The following AGXT2 variants were observed in gnomAD, a reference collection of about 807,000 sequenced individuals.
AGXT2 encodes the protein alanine--glyoxylate aminotransferase 2, mitochondrial.
Under a neutral mutation model 62.5 loss-of-function variants are expected in AGXT2, and 61 were observed. The observed-to-expected ratio is 0.98, with a 90% CI of 0.79 to 1.21. The LOEUF is 1.21. Ranked by LOEUF, AGXT2 falls within the 50% of genes most tolerant of loss-of-function variation. AGXT2 has a pLI of 0.00. For missense variants in AGXT2, 666 were observed against 641.5 expected (o/e 1.04, Z -0.41); for synonymous variants, 243 against 218.7 (o/e 1.11, Z -0.98).
intron 7 of AGXT2, among the ~76,000 whole-genome samples, chr5:35,027,778 G>A (rs1007161375): frequency 2.7e-5 from 4 of 150,648 alleles, no homozygotes; most frequent in Admixed American, 6.7e-5. Flanking sequence ...TAGGGCATTA[G>A]AGTCTAAGAG....
At chr5:35,025,065 A>C (rs930504024) in intron 9 of AGXT2, among the ~76,000 whole-genome samples, 1 of 152,080 alleles carries the variant, frequency 6.6e-6, no homozygotes, top group Non-Finnish European at 1.5e-5. Context: ...CTATTTTTGC[A>C]AAAATAAAGA....
chr5:35,012,899 T>C (rs1252755928), intron 11 of AGXT2, 55 bp downstream of exon 11: 5 of 1,477,414 alleles, frequency 3.4e-6, no homozygotes, highest in Non-Finnish European at 4.6e-6. Context: ...GCATGTGTGG[T>C]TTTGAAAGAG....
chr5:34,998,865 A>T (rs1181726270), intron 13 of AGXT2, 39 bp from the exon 14 acceptor site: 2 of 1,401,076 alleles, frequency 1.4e-6, no homozygotes, highest in Non-Finnish European at 2.0e-6. Flanking sequence ...AAATCATCAG[A>T]GAATCAAATA....
At chr5:35,005,274 G>GCCA (rs1561211364) in intron 12 of AGXT2, among the ~76,000 whole-genome samples, 3 of 152,104 alleles carry the variant, frequency 2.0e-5, no homozygotes, top group African/African-American at 7.2e-5. Flanking sequence ...TGTTGCCCAG[G>GCCA]CTGCAGTGCA....
At chr5:35,017,938 G>A (rs1366189840) in intron 9 of AGXT2, among the ~76,000 whole-genome samples, 3 of 152,174 alleles carry the variant, frequency 2.0e-5, no homozygotes, top group Non-Finnish European at 4.4e-5. Flanking sequence ...AGAAGCCTCC[G>A]GAGCTGATGA....
At chr5:35,019,735 A>G (rs1320961775) in intron 9 of AGXT2, among the ~76,000 whole-genome samples, 1 of 152,206 alleles carries the variant, frequency 6.6e-6, no homozygotes, top group Admixed American at 6.5e-5. Context: ...AACAGAACTG[A>G]AGGAAATAGA....
intron 9 of AGXT2, among the ~76,000 whole-genome samples, chr5:35,014,538 A>T (rs986203127): frequency 6.6e-6 from 1 of 151,402 alleles, no homozygotes; most frequent in South Asian, 2.1e-4. Context: ...GATGGCCATC[A>T]TCAGCCATTA....
intron 12 of AGXT2, among the ~76,000 whole-genome samples, chr5:35,007,417 C>G (rs1364140995): frequency 6.6e-6 from 1 of 152,226 alleles, no homozygotes; most frequent in Non-Finnish European, 1.5e-5. Context: ...GAGGAATTCT[C>G]TGAAGGGTGG....
At chr5:35,033,780 T>C (rs1767667498) in intron 5 of AGXT2, among the ~76,000 whole-genome samples, 1 of 152,164 alleles carries the variant, frequency 6.6e-6, no homozygotes, top group South Asian at 2.1e-4. Context: ...TGGAGAACAT[T>C]TGTCCAAGAA....
chr5:35,009,878 G>T, intron 12 of AGXT2, 122 bp downstream of exon 12: 1 of 1,340,158 alleles, frequency 7.5e-7, no homozygotes, highest in Non-Finnish European at 1.1e-6. Flanking sequence ...AAAGGGCTTT[G>T]CTGAAATCTT....
chr5:35,042,866 T>C (rs1768039289), intron 1 of AGXT2, among the ~76,000 whole-genome samples: 2 of 152,202 alleles, frequency 1.3e-5, no homozygotes, highest in African/African-American at 2.4e-5. Context: ...TGTTTTGTTT[T>C]GTCTTATTGT....
At chr5:34,999,177 T>G (rs529465351) in intron 13 of AGXT2, among the ~76,000 whole-genome samples, 7 of 152,330 alleles carry the variant, frequency 4.6e-5, no homozygotes, top group African/African-American at 1.7e-4. Flanking sequence ...TCACTGCCCT[T>G]ATTGCCACAA....
At chr5:35,037,182 T>A in intron 3 of AGXT2, 117 bp from the exon 4 acceptor site, 1 of 1,467,038 alleles carries the variant, frequency 6.8e-7, no homozygotes, top group Non-Finnish European at 9.3e-7. Flanking sequence ...GAGGCAGATT[T>A]TATTTACACA....
At chr5:35,020,692 C>T (rs1425187289) in intron 9 of AGXT2, among the ~76,000 whole-genome samples, 2 of 152,210 alleles carry the variant, frequency 1.3e-5, no homozygotes, top group Non-Finnish European at 2.9e-5. Flanking sequence ...CTCACCACTC[C>T]TATTCAACAT....
chr5:35,045,081 T>C (rs1176061556), intron 1 of AGXT2, among the ~76,000 whole-genome samples: 2 of 152,304 alleles, frequency 1.3e-5, no homozygotes, highest in East Asian at 3.9e-4. Flanking sequence ...ATTAGCTAAT[T>C]GTAGGAAAGA....
intron 13 of AGXT2, 50 bp downstream of exon 13, chr5:35,003,713 C>T: frequency 6.6e-7 from 1 of 1,525,172 alleles, no homozygotes; most frequent in Non-Finnish European, 9.1e-7. Flanking sequence ...ATTAGGAAAT[C>T]AGAGAGACTC....
At chr5:35,007,176 T>C (rs1310163681) in intron 12 of AGXT2, among the ~76,000 whole-genome samples, 2 of 152,162 alleles carry the variant, frequency 1.3e-5, no homozygotes, top group African/African-American at 4.8e-5. Context: ...CCTCATTTAC[T>C]AGGTGAGGGC....
chr5:35,012,750 CT>C, intron 11 of AGXT2: 1 of 594,130 alleles, frequency 1.7e-6, no homozygotes, highest in Non-Finnish European at 3.0e-6. Flanking sequence ...TATATTATTT[CT>C]TATCCAATAC....
intron 7 of AGXT2, chr5:35,026,967 T>C: frequency 1.0e-6 from 1 of 985,388 alleles, no homozygotes; most frequent in Non-Finnish European, 1.2e-6. Flanking sequence ...AGTGTCTTTG[T>C]CTTTAGAGTT....
Sources: allele counts gnomAD v4.1 joint callset (sites outside exome capture counted in the v4.1 genomes callset), GRCh38; gene constraint gnomAD v4.1.1; transcripts MANE v1.5; gene names NCBI Gene and HGNC (gene_info 2026-07-23, HGNC 2026-07-21).